Variants in MAP4K4 observed in about 807,000 individuals in gnomAD.
MAP4K4 encodes the protein HPK/GCK-like kinase HGK.
In MAP4K4, 38 loss-of-function variants were observed where a neutral mutation model predicts 189.6. The observed-to-expected ratio is 0.20, with a 90% confidence interval of 0.15 to 0.26. The LOEUF (loss-of-function observed/expected upper bound fraction) is 0.26. Among genes scored for constraint, MAP4K4 ranks in the 10% least tolerant of loss-of-function variants. MAP4K4 has a pLI of 1.00. For missense variants in MAP4K4, 1,054 were observed against 1,726.9 expected, an observed-to-expected ratio of 0.61 and a Z score of 6.91; for synonymous variants, 610 against 624.3, an observed-to-expected ratio of 0.98 and a Z score of 0.34.
At chr2:101,788,165 G>A (rs1226765356) in intron 2 of MAP4K4, among the ~76,000 whole-genome samples, 4 of 151,692 alleles carry the variant, frequency 2.6e-5, no homozygotes, top group African/African-American at 9.7e-5. Context: ...CCTTATATTG[G>A]CCATTCCTTT....
At chr2:101,724,249 CTAAGAT>C (rs1469743020) in intron 2 of MAP4K4, among the ~76,000 whole-genome samples, 3 of 152,160 alleles carry the variant, frequency 2.0e-5, no homozygotes, top group Admixed American at 6.5e-5. Flanking sequence ...CTGGAACAAC[CTAAGAT>C]GACAGGCAAA....
Position 101,831,709 on chromosome 2 carries a change from T to C in MAP4K4, c.509-12T>C. 1.3e-6 allele frequency: 2 copies of C among 1,586,560 alleles called. No individual in the cohort carries two copies. The highest frequency in any genetic ancestry group is 1.7e-6 in the Non-Finnish European group (2 of 1,164,854). ...TTATCTTTCTTTATCTGCCTTTTTC[T>C]TCCTCCCACAGTTGACTTTGGTGTG... On this transcript the variant is annotated splice_polypyrimidine_tract_variant and intron_variant, in intron 6 of 32. Transcript: ENST00000324219.
intron 2 of MAP4K4, among the ~76,000 whole-genome samples, chr2:101,714,545 A>G (rs1230520297): frequency 6.6e-6 from 1 of 152,216 alleles, no homozygotes; most frequent in African/African-American, 2.4e-5. Context: ...CTTTCTCCAA[A>G]TAACTATAAG....
intron 3 of MAP4K4, among the ~76,000 whole-genome samples, chr2:101,822,223 G>T (rs932945245): frequency 6.6e-6 from 1 of 152,150 alleles, no homozygotes; most frequent in African/African-American, 2.4e-5. Context: ...AACTATATGT[G>T]CAATAATTTT....
In MAP4K4 at chr2:101,836,031, C is replaced by T. The variant is rs548191183; in HGVS notation, c.773+53C>T. 1.4e-5 allele frequency: 19 copies of T among 1,334,634 alleles called. No individual in the cohort carries two copies. In the Admixed American group the frequency reaches 2.4e-4, roughly 17 times the overall value. The allele number at this position is 1,334,634 out of a possible 1,614,324, so 82.7% of individuals were successfully genotyped here. On this transcript the variant is annotated intron_variant, in intron 9 of 32. Transcript: ENST00000324219. ...CTTTTCCCTTTTTTTTAAATTGCTT[C>T]TTTTTAGTTATACTTTCCTCTGAGA...
intron 2 of MAP4K4, among the ~76,000 whole-genome samples, chr2:101,748,043 G>GT (rs781058143): frequency 7.2e-5 from 11 of 152,274 alleles, no homozygotes; most frequent in Non-Finnish European, 1.5e-4. Flanking sequence ...TGCTATATCA[G>GT]TTGTATACAT....
intron 2 of MAP4K4, among the ~76,000 whole-genome samples, chr2:101,789,906 TG>T (rs768227864): frequency 3.6e-4 from 55 of 152,186 alleles, no homozygotes; most frequent in Non-Finnish European, 5.7e-4. Flanking sequence ...GTGATATAAA[TG>T]GGTTATAGGA....
intron 2 of MAP4K4, among the ~76,000 whole-genome samples, chr2:101,757,103 G>A (rs183964674): frequency 2.2e-3 from 338 of 152,274 alleles, no homozygotes; most frequent in African/African-American, 7.5e-3. Flanking sequence ...TACCTTTGGA[G>A]TAAGGGATAA....
intron 3 of MAP4K4, among the ~76,000 whole-genome samples, chr2:101,817,398 C>A (rs1474292705): frequency 6.6e-6 from 1 of 152,104 alleles, no homozygotes; most frequent in African/African-American, 2.4e-5. Context: ...CCTTGTGGGT[C>A]ATTCAGGCAA....
chr2:101,831,215 T>A (rs1333725857), intron 6 of MAP4K4, among the ~76,000 whole-genome samples: 1 of 152,106 alleles, frequency 6.6e-6, no homozygotes, highest in Admixed American at 6.5e-5. Flanking sequence ...TGCTTTAGGG[T>A]GTGTTGTTTG....
At chr2:101,750,396 A>G in intron 2 of MAP4K4, among the ~76,000 whole-genome samples, 1 of 144,896 alleles carries the variant, frequency 6.9e-6, no homozygotes, top group East Asian at 2.0e-4. Flanking sequence ...CATTCTCAGT[A>G]AACTATCGCA....
chr2:101,731,002 C>T (rs949276365), intron 2 of MAP4K4, among the ~76,000 whole-genome samples: 2 of 149,812 alleles, frequency 1.3e-5, no homozygotes, highest in East Asian at 2.1e-4. Flanking sequence ...GCTGAGATTG[C>T]GCCACTGCAC....
chr2:101,781,926 A>T lies in MAP4K4; in HGVS notation c.124-8794A>T, dbSNP rs148304339. On this transcript the variant is annotated intron_variant, in intron 2 of 32. Transcript: ENST00000324219. ...CCTGCCATCTGTCCTAGAACACAGC[A>T]CACAGCTGTAAATGACTGAACAAGC... 1.4e-3 allele frequency among the ~76,000 whole-genome samples: 215 copies of T among 152,288 alleles called. No homozygotes were observed. In the Middle Eastern group the frequency reaches 0.02, roughly 14 times the overall value.
At chr2:101,873,864 G>T in intron 25 of MAP4K4, 100 bp downstream of exon 25, 1 of 889,134 alleles carries the variant, frequency 1.1e-6, no homozygotes, top group South Asian at 1.6e-5. Context: ...CACAGGCACA[G>T]ACCTCGGGTA....
At chr2:101,719,675 G>A (rs946152937) in intron 2 of MAP4K4, among the ~76,000 whole-genome samples, 2 of 152,264 alleles carry the variant, frequency 1.3e-5, no homozygotes, top group Middle Eastern at 3.4e-3. Context: ...AAAATGCGTC[G>A]TGTTGGAATA....
At chr2:101,704,521 ATGTG>A (rs36106185) in intron 2 of MAP4K4, among the ~76,000 whole-genome samples, 14,446 of 56,008 alleles carry the variant, frequency 0.26, 1,878 homozygotes, top group Admixed American at 0.28. Flanking sequence ...CCAATATTTT[ATGTG>A]TGTGTGTGTG....
intron 6 of MAP4K4, chr2:101,829,856 A>C: frequency 2.9e-6 from 1 of 343,128 alleles, no homozygotes; most frequent in South Asian, 4.3e-5. Context: ...TCCTGCTTAA[A>C]GAACCTTAAT....
Position 101,728,430 on chromosome 2 carries a change from A to C in MAP4K4, c.123+29892A>C, listed in dbSNP as rs74906463. On this transcript the variant is annotated intron_variant, in intron 2 of 32. Coordinates refer to ENST00000324219, the Ensembl canonical transcript of MAP4K4. ...TAATCACCTGGGAAGCTTTCCTCTC[A>C]ACATTTTATTATGAAAAATTTCAAA... Among the ~76,000 whole-genome samples, 522 of 152,324 alleles carry C rather than the reference A, an allele frequency of 3.4e-3. 4 individuals are homozygous for C. Among genetic ancestry groups the C allele is most frequent in the African/African-American group, 0.012 (505 of 41,574 alleles).
intron 2 of MAP4K4, among the ~76,000 whole-genome samples, chr2:101,699,338 T>C (rs2036776030): frequency 6.6e-6 from 1 of 152,200 alleles, no homozygotes; most frequent in African/African-American, 2.4e-5. Flanking sequence ...AGCTGACACC[T>C]GATGTGACTA....
Sources: allele counts gnomAD v4.1 joint callset (sites outside exome capture counted in the v4.1 genomes callset), GRCh38; gene constraint gnomAD v4.1.1; transcripts MANE v1.5; gene names NCBI Gene and HGNC (gene_info 2026-07-23, HGNC 2026-07-21).